ADAMTS2: variants seen among roughly 807,000 people sequenced by gnomAD.
ADAMTS2 encodes ADAM metallopeptidase with thrombospondin type 1 motif 2.
A neutral mutation model predicts 123.0 loss-of-function variants in ADAMTS2; 50 were observed. That is an observed-to-expected ratio of 0.41 (90% CI 0.32 to 0.51). ADAMTS2 has a LOEUF of 0.51. ADAMTS2 is among the 20% of genes least tolerant of loss of function. The pLI is 0.35. For synonymous variants in ADAMTS2, 678 were observed against 695.4 expected, an observed-to-expected ratio of 0.98 and a Z score of 0.39; for missense variants, 1,494 against 1,705.2, an observed-to-expected ratio of 0.88 and a Z score of 2.18.
Position 179,202,312 on chromosome 5 carries a change from C to T in ADAMTS2, c.891+5201G>A, listed in dbSNP as rs979791538. 2.0e-5 allele frequency among the ~76,000 whole-genome samples: 3 copies of T among 152,242 alleles called. No homozygotes were observed. The highest frequency in any genetic ancestry group is 3.9e-4 in the East Asian group (2 of 5,154). The stretch of plus-strand genomic sequence containing the variant: ...CCCCCTCCCCCAAACCTGGAACAGG[C>T]GATCCCTATCCTACCTCTTCCCACA... On this transcript the variant is annotated intron_variant, in intron 4 of 21. Coordinates refer to ENST00000251582, the MANE Select transcript of ADAMTS2 (RefSeq NM_014244.5). This position sits in a 1 kb window ranked among gnomAD's most constrained non-coding sequence, Gnocchi z 4.0.
chr5:179,205,928 C>T lies in ADAMTS2; in HGVS notation c.891+1585G>A, dbSNP rs562766075. The stretch of plus-strand genomic sequence containing the variant: ...CTGGGACTACAGGCGCCCGCCACCA[C>T]GCCCGGCTAATTTTTTGTATTTTTA... On this transcript the variant is annotated intron_variant, in intron 4 of 21. Transcript: ENST00000251582. 1.5e-4 allele frequency among the ~76,000 whole-genome samples: 23 copies of T among 152,060 alleles called. No homozygotes were observed. The South Asian group carries it at 4.0e-3, about 26-fold the overall frequency.
In ADAMTS2 at chr5:179,302,862, C is replaced by T. The variant is rs933908924; in HGVS notation, c.535-29798G>A. Among the ~76,000 whole-genome samples, 4 of 149,684 alleles carry T rather than the reference C, an allele frequency of 2.7e-5. No individual in the cohort carries two copies. In the South Asian group the frequency reaches 6.3e-4, roughly 24 times the overall value. On this transcript the variant is annotated intron_variant, in intron 2 of 21. Transcript: ENST00000251582. ...ACATGCAGAGGACCCGAGGTCAGAA[C>T]AGACCTGCCATGTTTGAGGAAAGGG...
chr5:179,273,396 C>T (rs1388195402), intron 2 of ADAMTS2, among the ~76,000 whole-genome samples: 2 of 152,168 alleles, frequency 1.3e-5, no homozygotes, highest in African/African-American at 4.8e-5. Flanking sequence ...CAGCTGTGGG[C>T]CTGTGCGTGT....
chr5:179,118,495 C>A lies in ADAMTS2; in HGVS notation c.3178+3166G>T, dbSNP rs76043377. Among the ~76,000 whole-genome samples the A allele has an allele frequency of 7.8e-3, 1,195 of 152,278 alleles. 58 individuals carry two copies. Among genetic ancestry groups the A allele is most frequent in the Admixed American group, 0.067 (1,031 of 15,284 alleles). ...AAACACAGTTTTCATAAACTTAAGT[C>A]ACTGTAGGCTACTCCCACGATCTTG... On this transcript the variant is annotated intron_variant, in intron 21 of 21. Coordinates refer to ENST00000251582, the MANE Select transcript of ADAMTS2 (RefSeq NM_014244.5). This position sits in a 1 kb window ranked among gnomAD's most constrained non-coding sequence, Gnocchi z 4.5.
chr5:179,286,216 CAAAAAA>C (rs33951526), intron 2 of ADAMTS2, among the ~76,000 whole-genome samples: 1 of 66,050 alleles, frequency 1.5e-5, no homozygotes, highest in African/African-American at 6.2e-5. Flanking sequence ...ACTCTTGTCT[CAAAAAA>C]AAAAAAAAAA....
In ADAMTS2 at chr5:179,223,581, C is replaced by T. The variant is rs199763719; in HGVS notation, c.689-15866G>A. Among the ~76,000 whole-genome samples, 364 of 151,188 alleles carry T rather than the reference C, an allele frequency of 2.4e-3. 5 individuals carry two copies. In the East Asian group the frequency reaches 0.038, roughly 16 times the overall value. On this transcript the variant is annotated intron_variant, in intron 3 of 21. Coordinates refer to ENST00000251582, the MANE Select transcript of ADAMTS2 (RefSeq NM_014244.5). ...ACACACACGCGAATGCACTCGCACA[C>T]GCATGCACTCACGCGTGAATGCACT...
chr5:179,205,972 C>CAT (rs1561804455), intron 4 of ADAMTS2, among the ~76,000 whole-genome samples: 2 of 151,888 alleles, frequency 1.3e-5, no homozygotes, highest in East Asian at 1.9e-4. Context: ...GGGGTTTCAC[C>CAT]GTGGTCTCGA....
intron 4 of ADAMTS2, among the ~76,000 whole-genome samples, chr5:179,203,817 TAAAG>T (rs1006995540): frequency 1.3e-5 from 2 of 152,112 alleles, no homozygotes; most frequent in South Asian, 4.2e-4. Context: ...CTCAAAAAAT[TAAAG>T]AAAGAATTAC....
rs1433250183 is a variant in ADAMTS2, at chr5:179,212,093, A to G, written c.689-4378T>C. Among the ~76,000 whole-genome samples the G allele has an allele frequency of 2.6e-5, 4 of 152,246 alleles. No individual in the cohort carries two copies. The East Asian group carries it at 7.7e-4, about 29-fold the overall frequency. On this transcript the variant is annotated intron_variant, in intron 3 of 21. Transcript: ENST00000251582. ...CTGAGGGGTGATTTGCGGGAATGAGAATTGTAGAAACAAGTATGATTAGAC... is the reference window on the plus strand; with the variant it reads ...CTGAGGGGTGATTTGCGGGAATGAGGATTGTAGAAACAAGTATGATTAGAC...
chr5:179,304,178 C>T (rs1406562486), intron 2 of ADAMTS2, among the ~76,000 whole-genome samples: 3 of 152,104 alleles, frequency 2.0e-5, no homozygotes, highest in African/African-American at 7.2e-5. Flanking sequence ...GAACTTGCAG[C>T]CGGAACCCAA....
intron 10 of ADAMTS2, among the ~76,000 whole-genome samples, chr5:179,145,728 T>C (rs1218436626): frequency 6.6e-6 from 1 of 152,202 alleles, no homozygotes; most frequent in Non-Finnish European, 1.5e-5. Flanking sequence ...TAGGATGGAT[T>C]GAGGTGACTA....
At position 179,206,540 on chromosome 5, in the gene ADAMTS2, C is replaced by T. The variant is rs556369426; in HGVS notation, c.891+973G>A. On this transcript the variant is annotated intron_variant, in intron 4 of 21. Coordinates refer to ENST00000251582, the MANE Select transcript of ADAMTS2 (RefSeq NM_014244.5). ...ACCACCTCCAGCCCTCCCTAAGCCC[C>T]GGCTTCCTCCCACAAATACCCCCCT... 1.4e-4 allele frequency among the ~76,000 whole-genome samples: 22 copies of T among 152,276 alleles called. No individual in the cohort carries two copies. In the East Asian group the frequency reaches 4.1e-3, roughly 28 times the overall value.
chr5:179,326,540 G>A (rs13155813), intron 2 of ADAMTS2, among the ~76,000 whole-genome samples: 2,910 of 127,040 alleles, frequency 0.023, 41 homozygotes, highest in Middle Eastern at 0.068. Flanking sequence ...CTCTCAAAAG[G>A]GACAAAATCT....
chr5:179,217,043 A>G (rs1764999304), intron 3 of ADAMTS2, among the ~76,000 whole-genome samples: 1 of 152,202 alleles, frequency 6.6e-6, no homozygotes, highest in South Asian at 2.1e-4. Flanking sequence ...CAGATGGGCA[A>G]ACTTGCACAG....
rs142375968 is a variant in ADAMTS2, at chr5:179,322,072, C to A, written c.534+21695G>T. Among the ~76,000 whole-genome samples the A allele has an allele frequency of 1.1e-3, 173 of 152,334 alleles. 3 individuals carry two copies. The East Asian group carries it at 0.022, about 19-fold the overall frequency. On this transcript the variant is annotated intron_variant, in intron 2 of 21. Transcript: ENST00000251582. ...GTATGTTTACACATATGTGCATGGA[C>A]GTGGGAGACACACAAAAATGTTGAA...
At chr5:179,236,650 A>T (rs897572674) in intron 3 of ADAMTS2, among the ~76,000 whole-genome samples, 1 of 151,970 alleles carries the variant, frequency 6.6e-6, no homozygotes, top group East Asian at 1.9e-4. Flanking sequence ...AATTAGCCAA[A>T]CGTAATGGGG....
intron 2 of ADAMTS2, among the ~76,000 whole-genome samples, chr5:179,298,209 C>T (rs1461069029): frequency 6.7e-6 from 1 of 149,746 alleles, no homozygotes; most frequent in Non-Finnish European, 1.5e-5. Flanking sequence ...TTCCCCGAGG[C>T]TCGGGGAACC....
chr5:179,153,249 C>A (rs1212349539), intron 9 of ADAMTS2, among the ~76,000 whole-genome samples: 1 of 152,068 alleles, frequency 6.6e-6, no homozygotes, highest in Non-Finnish European at 1.5e-5. Flanking sequence ...TGGCTGACAC[C>A]CTGGTCACAG....
At chr5:179,140,153 G>A (rs1581148474) in intron 10 of ADAMTS2, 118 bp from the exon 11 acceptor site, 5 of 1,477,536 alleles carry the variant, frequency 3.4e-6, no homozygotes, top group Non-Finnish European at 4.7e-6. Flanking sequence ...GGGCACAGGG[G>A]GAGCTCACCC....
Sources: gnomAD v4.1 joint callset for allele counts (sites outside exome capture counted in the v4.1 genomes callset) on GRCh38, gnomAD v4.1.1 for gene constraint, Gnocchi (gnomAD v3.1) non-coding constraint, MANE v1.5 for transcripts, NCBI Gene and HGNC (gene_info 2026-07-23, HGNC 2026-07-21) for gene names.